MID1: variants seen among roughly 807,000 people sequenced by gnomAD.
MID1 encodes E3 ubiquitin-protein ligase Midline-1.
In MID1, 7 loss-of-function variants were observed where a neutral mutation model predicts 40.4. That is an observed-to-expected ratio of 0.17 (90% CI 0.10 to 0.33). The LOEUF is 0.33. Among genes scored for constraint, MID1 ranks in the 10% least tolerant of loss-of-function variants. The pLI, the probability that MID1 is intolerant of heterozygous loss-of-function variation, is 1.00. For synonymous variants in MID1, 229 were observed against 221.2 expected (o/e 1.04, Z -0.31); for missense variants, 367 against 558.5 (o/e 0.66, Z 3.46).
intron 1 of MID1, among the ~76,000 whole-genome samples, chrX:10,713,872 G>A (rs753211476): frequency 1.9e-4 from 21 of 111,568 alleles, no homozygotes; most frequent in Non-Finnish European, 3.0e-4. Context: ...GAAGTACTCC[G>A]GGCATGTTTA....
chrX:10,658,913 T>C (rs1359589295), intron 1 of MID1, among the ~76,000 whole-genome samples: 3 of 112,084 alleles, frequency 2.7e-5, no homozygotes, highest in Non-Finnish European at 5.6e-5. Flanking sequence ...AATCTTTGTG[T>C]TTTCAAAACT....
chrX:10,658,792 C>A (rs2042893100), intron 1 of MID1, among the ~76,000 whole-genome samples: 1 of 111,380 alleles, frequency 9.0e-6, no homozygotes, highest in African/African-American at 3.3e-5. Flanking sequence ...AGGTGTTTCT[C>A]TTGAGACTTC....
At chrX:10,451,151 C>G (rs927128572) in intron 9 of MID1, among the ~76,000 whole-genome samples, 3 of 111,125 alleles carry the variant, frequency 2.7e-5, no homozygotes, top group Non-Finnish European at 5.6e-5. Flanking sequence ...GCAGGCCTGT[C>G]TGTCATCAAT....
chrX:10,622,353 A>G, upstream of MID1, among the ~76,000 whole-genome samples: 1 of 111,322 alleles, frequency 9.0e-6, no homozygotes, highest in East Asian at 2.8e-4. Flanking sequence ...TTCTGCTTTC[A>G]TCACCTCAAA....
chrX:10,697,145 A>T (rs1037971879), intron 1 of MID1, among the ~76,000 whole-genome samples: 27 of 111,898 alleles, frequency 2.4e-4, no homozygotes, highest in African/African-American at 8.8e-4. Flanking sequence ...GAAATCTACC[A>T]GGTGGTTTTG....
intron 1 of MID1, among the ~76,000 whole-genome samples, chrX:10,613,217 CCA>C: frequency 9.0e-6 from 1 of 111,611 alleles, no homozygotes. Flanking sequence ...AGGACAGATA[CCA>C]CAGTCTACCG....
Position 10,809,552 on chromosome X carries a change from G to A in MID1, c.-187+24002C>T, listed in dbSNP as rs779871849. Among the ~76,000 whole-genome samples the A allele has an allele frequency of 7.2e-5, 8 of 111,681 alleles. No homozygotes were observed. The South Asian group carries it at 1.1e-3, about 16-fold the overall frequency. On this transcript the variant is annotated intron_variant, in intron 1 of 10. Transcript: ENST00000380785. ...CCAAATGTCCATCAACGATAGACTGGATTAAGAAAATGTGGCACATACACA... is the reference window on the plus strand; with the variant it reads ...CCAAATGTCCATCAACGATAGACTGAATTAAGAAAATGTGGCACATACACA...
intron 4 of MID1, among the ~76,000 whole-genome samples, chrX:10,492,529 C>T (rs1431499193): frequency 2.7e-5 from 3 of 111,898 alleles, no homozygotes; most frequent in Non-Finnish European, 5.6e-5. Context: ...TTGCTAAAAG[C>T]TATGATATGA....
intron 1 of MID1, among the ~76,000 whole-genome samples, chrX:10,720,994 A>G (rs1226912092): frequency 1.9e-5 from 2 of 106,202 alleles, no homozygotes; most frequent in Admixed American, 1.0e-4. Flanking sequence ...TGGGAATTGA[A>G]CAATGAGAAC....
At chrX:10,526,516 A>G (rs947267379) in intron 2 of MID1, among the ~76,000 whole-genome samples, 1 of 111,437 alleles carries the variant, frequency 9.0e-6, no homozygotes, top group African/African-American at 3.3e-5. Context: ...CTGACCCTTC[A>G]CAGCAGGAAA....
At chrX:10,817,752 T>C (rs774623625) in intron 1 of MID1, among the ~76,000 whole-genome samples, 178 of 108,279 alleles carry the variant, frequency 1.6e-3, no homozygotes, top group African/African-American at 5.8e-3. Context: ...CCTGAGTAGC[T>C]GGGAATACAG....
chrX:10,765,949 A>C (rs1205052323), intron 1 of MID1, among the ~76,000 whole-genome samples: 1 of 30,239 alleles, frequency 3.3e-5, no homozygotes, highest in East Asian at 1.2e-3. Context: ...AAAGGAAAGA[A>C]AGAAAGAAAG....
rs763969927 is a variant in MID1, at chrX:10,520,032, G to T, written c.756+3060C>A. On this transcript the variant is annotated intron_variant, in intron 3 of 9. Coordinates refer to ENST00000317552, the MANE Select transcript of MID1 (RefSeq NM_000381.4). ...CTTTGCTAATTTCTGCTATGCTGAGGAATGTATCACTGACAAACATCATTG... is the reference window on the plus strand; with the variant it reads ...CTTTGCTAATTTCTGCTATGCTGAGTAATGTATCACTGACAAACATCATTG... Among the ~76,000 whole-genome samples, 8 of 112,129 alleles carry T rather than the reference G, an allele frequency of 7.1e-5. No homozygotes were observed. In the South Asian group the frequency reaches 3.0e-3, roughly 42 times the overall value.
intron 1 of MID1, among the ~76,000 whole-genome samples, chrX:10,805,189 T>C (rs1157205802): frequency 3.7e-5 from 4 of 108,939 alleles, no homozygotes; most frequent in African/African-American, 1.0e-4. Context: ...CATTTAGCAT[T>C]AGGTATATCT....
intron 2 of MID1, among the ~76,000 whole-genome samples, chrX:10,527,796 G>T (rs941489915): frequency 9.0e-6 from 1 of 111,559 alleles, no homozygotes; most frequent in South Asian, 3.8e-4. Context: ...CCCACAGGGC[G>T]CAATTGGGAG....
intron 1 of MID1, among the ~76,000 whole-genome samples, chrX:10,585,251 A>T (rs191965242): frequency 9.0e-6 from 1 of 110,786 alleles, no homozygotes; most frequent in Non-Finnish European, 1.9e-5. Context: ...AACAATATAA[A>T]ACAATATGAG....
chrX:10,604,213 A>G, intron 1 of MID1, among the ~76,000 whole-genome samples: 1 of 111,890 alleles, frequency 8.9e-6, no homozygotes. Context: ...CTTTTGAAAT[A>G]TATATATTTC....
chrX:10,508,513 G>C (rs1931957561), intron 3 of MID1, among the ~76,000 whole-genome samples: 1 of 111,529 alleles, frequency 9.0e-6, no homozygotes, highest in Non-Finnish European at 1.9e-5. Flanking sequence ...TACTTTGATT[G>C]GATGATGTGA....
At chrX:10,798,091 C>T (rs2043979336) in intron 1 of MID1, among the ~76,000 whole-genome samples, 1 of 111,998 alleles carries the variant, frequency 8.9e-6, no homozygotes, top group African/African-American at 3.2e-5. Context: ...GCTGCATTTG[C>T]AGTGGGGCAT....
Sources: allele counts gnomAD v4.1 joint callset (sites outside exome capture counted in the v4.1 genomes callset), GRCh38; gene constraint gnomAD v4.1.1; transcripts MANE v1.5; gene names NCBI Gene and HGNC (gene_info 2026-07-23, HGNC 2026-07-21).